BAIAP2: variants seen among roughly 807,000 people sequenced by gnomAD.
BAIAP2 encodes BAR/IMD domain containing adaptor protein 2.
A neutral mutation model predicts 63.0 loss-of-function variants in BAIAP2; 18 were observed. That is an observed-to-expected ratio of 0.29 (90% CI 0.20 to 0.42). The LOEUF is 0.42. BAIAP2 is among the 10% of genes least tolerant of loss of function. The pLI, the probability that BAIAP2 is intolerant of heterozygous loss-of-function variation, is 1.00. For missense variants in BAIAP2, 610 were observed against 734.3 expected (o/e 0.83, Z 1.96); for synonymous variants, 386 against 307.6 (o/e 1.25, Z -2.67).
At chr17:81,050,471 G>A (rs2048495910) in intron 1 of BAIAP2, among the ~76,000 whole-genome samples, 1 of 152,224 alleles carries the variant, frequency 6.6e-6, no homozygotes, top group South Asian at 2.1e-4. Flanking sequence ...GTGCTGACCC[G>A]CCGTGGTTGG....
Position 81,091,909 on chromosome 17 carries a change from TGGTGGTGCAGCCATGTG to T in BAIAP2, c.489+5339_489+5355del, listed in dbSNP as rs551311696. Among the ~76,000 whole-genome samples, 289 of 152,306 alleles carry T rather than the reference TGGTGGTGCAGCCATGTG, an allele frequency of 1.9e-3. 2 individuals are homozygous for T. Among genetic ancestry groups the T allele is most frequent in the African/African-American group, 6.6e-3 (274 of 41,572 alleles). Reference sequence around the variant, plus strand: ...AGCCTAGAGCTGGCCGGGGCCTGGCTGGTGGTGCAGCCATGTGGGTGGTGCATGCAGGTGGAGGCTGT... The same window carrying T: ...AGCCTAGAGCTGGCCGGGGCCTGGCTGGTGGTGCATGCAGGTGGAGGCTGT... On this transcript the variant is annotated intron_variant, in intron 6 of 13. Coordinates refer to ENST00000428708, the MANE Select transcript of BAIAP2 (RefSeq NM_001144888.2).
Position 81,050,598 on chromosome 17 carries a change from G to C in BAIAP2, c.55-3070G>C, listed in dbSNP as rs576534664. Among the ~76,000 whole-genome samples, 13 of 152,274 alleles carry C rather than the reference G, an allele frequency of 8.5e-5. 1 individual carries two copies. In the South Asian group the frequency reaches 2.5e-3, roughly 29 times the overall value. On this transcript the variant is annotated intron_variant, in intron 1 of 13. Coordinates refer to ENST00000428708, the MANE Select transcript of BAIAP2 (RefSeq NM_001144888.2). ...GTGGGGGTCATGGTCCTGGAGCCAA[G>C]CGCGTGGGGCTCTTGTGAGCAAGGG...
Position 81,115,787 on chromosome 17 carries a change from T to C in BAIAP2, c.1553T>C (p.Val518Ala). ...TCTTTCAGGAATCCCTTTGCCCACG[T>C]CCAGCTGAAGCCGACAGTGACCAAC... is the stretch of plus-strand genomic sequence containing the variant. ...RSMSRNPFAH[V>A]QLKPTVTNDR... is the part of the protein sequence containing the mutation. Residue 518 changes from valine (V) to alanine (A), a missense_variant, in exon 14 of 14, where the codon GTC becomes GCC. Coordinates refer to ENST00000428708, the MANE Select transcript of BAIAP2 (RefSeq NM_001144888.2). 1 of 1,613,528 alleles carries C rather than the reference T, an allele frequency of 6.2e-7. No individual in the cohort carries two copies.
At chr17:81,075,624 C>T (rs557381653) in intron 3 of BAIAP2, among the ~76,000 whole-genome samples, 22 of 152,160 alleles carry the variant, frequency 1.4e-4, no homozygotes, top group Non-Finnish European at 2.8e-4. Flanking sequence ...CCTGAGTGAC[C>T]CTCTCCAAGG....
intron 13 of BAIAP2, among the ~76,000 whole-genome samples, chr17:81,111,235 T>A (rs1031711546): frequency 2.0e-5 from 3 of 152,230 alleles, no homozygotes; most frequent in African/African-American, 7.2e-5. Context: ...GCCCTGACCT[T>A]CTGTGTGGTC....
At chr17:81,042,101 C>G (rs1316835735) in intron 1 of BAIAP2, among the ~76,000 whole-genome samples, 2 of 151,432 alleles carry the variant, frequency 1.3e-5, no homozygotes, top group East Asian at 3.9e-4. Flanking sequence ...CCCTGCTCTT[C>G]CATTTTTGTT....
intron 6 of BAIAP2, among the ~76,000 whole-genome samples, chr17:81,095,718 G>A (rs990628766): frequency 6.6e-6 from 1 of 152,224 alleles, no homozygotes; most frequent in Non-Finnish European, 1.5e-5. Flanking sequence ...ATCTGGAGGG[G>A]CCCCGCCAGA....
chr17:81,086,365 C>T, intron 5 of BAIAP2, 78 bp from the exon 6 acceptor site: 3 of 1,559,082 alleles, frequency 1.9e-6, no homozygotes, highest in Non-Finnish European at 2.6e-6. Flanking sequence ...GGCTCATGGG[C>T]CTCGGTTTTG....
chr17:81,115,346 C>T (rs2060412558), intron 13 of BAIAP2, among the ~76,000 whole-genome samples: 3 of 152,220 alleles, frequency 2.0e-5, no homozygotes, highest in African/African-American at 4.8e-5. Flanking sequence ...CACGCTGTGT[C>T]CCTGGGTGTG....
At chr17:81,090,416 A>G (rs2145477742) in intron 6 of BAIAP2, among the ~76,000 whole-genome samples, 1 of 152,066 alleles carries the variant, frequency 6.6e-6, no homozygotes, top group East Asian at 1.9e-4. Flanking sequence ...CGGGGCTTCA[A>G]CTCTTAACCA....
chr17:81,091,005 G>A (rs953555375), intron 6 of BAIAP2, among the ~76,000 whole-genome samples: 4 of 152,108 alleles, frequency 2.6e-5, no homozygotes, highest in African/African-American at 9.7e-5. Flanking sequence ...GGCTGGCCCC[G>A]CCTACTCATG....
At chr17:81,095,508 C>T (rs937898798) in intron 6 of BAIAP2, among the ~76,000 whole-genome samples, 13 of 152,304 alleles carry the variant, frequency 8.5e-5, no homozygotes, top group Middle Eastern at 3.4e-3. Flanking sequence ...GAGTCAGTGT[C>T]CTGGAACAGC....
chr17:81,080,170 C>T (rs1007014741), intron 3 of BAIAP2, among the ~76,000 whole-genome samples: 13 of 152,224 alleles, frequency 8.5e-5, no homozygotes, highest in African/African-American at 3.1e-4. Flanking sequence ...CCATGTGCCC[C>T]GTCCTTCCAG....
chr17:81,101,120 C>T (rs879404481), intron 7 of BAIAP2, among the ~76,000 whole-genome samples: 15 of 151,478 alleles, frequency 9.9e-5, no homozygotes, highest in Non-Finnish European at 1.9e-4. Context: ...CTGTGTCTCC[C>T]GCTAGGCGTC....
intron 1 of BAIAP2, chr17:81,037,035 C>A: frequency 1.5e-6 from 2 of 1,313,166 alleles, no homozygotes; most frequent in Non-Finnish European, 2.1e-6. Context: ...CCTAACCGGG[C>A]AGTAGGCCTT....
chr17:81,066,235 C>T (rs139615506), intron 3 of BAIAP2, among the ~76,000 whole-genome samples: 8 of 152,344 alleles, frequency 5.3e-5, no homozygotes, highest in Non-Finnish European at 1.0e-4. Context: ...ACCTGCTGGG[C>T]GCACTGGGCC....
At chr17:81,092,018 T>A (rs528261376) in intron 6 of BAIAP2, among the ~76,000 whole-genome samples, 2 of 152,334 alleles carry the variant, frequency 1.3e-5, no homozygotes, top group African/African-American at 4.8e-5. Flanking sequence ...CTGCCGCTGA[T>A]GAAGGGGAGG....
chr17:81,116,453 C>A lies in BAIAP2; in HGVS notation c.*614C>A. On this transcript the variant is annotated 3_prime_UTR_variant, in exon 14 of 14. Coordinates refer to ENST00000428708, the MANE Select transcript of BAIAP2 (RefSeq NM_001144888.2). ...CAAGGGCCTCCCCAGGCCCCTCCTG[C>A]CTCGGGCAGGCCCCAGCCCTCCTCC... The A allele has an allele frequency of 1.9e-6, 2 of 1,056,388 alleles. No homozygotes were observed. The highest frequency in any genetic ancestry group is 2.7e-6 in the Non-Finnish European group (2 of 742,850). 65.4% of individuals were successfully genotyped at this position (1,056,388 alleles called of 1,614,324 possible).
In BAIAP2 at chr17:81,059,172, C is replaced by T. The variant is rs146747595; in HGVS notation, c.217+1205C>T. On this transcript the variant is annotated intron_variant, in intron 3 of 13. Coordinates refer to ENST00000428708, the MANE Select transcript of BAIAP2 (RefSeq NM_001144888.2). ...CTGCTGCCTTGGGCAGGCCCGCTGG[C>T]GTGTTTGCTGCAGGTCTGGTGATGC... is the stretch of plus-strand genomic sequence containing the variant. 2.0e-3 allele frequency among the ~76,000 whole-genome samples: 306 copies of T among 152,236 alleles called. 6 individuals carry two copies. The East Asian group carries it at 0.047, about 24-fold the overall frequency.
Sources: gnomAD v4.1 joint callset for allele counts (sites outside exome capture counted in the v4.1 genomes callset) on GRCh38, gnomAD v4.1.1 for gene constraint, MANE v1.5 for transcripts, NCBI Gene and HGNC (gene_info 2026-07-23, HGNC 2026-07-21) for gene names.